Variants in PEPD observed in about 807,000 individuals in gnomAD.
PEPD encodes xaa-Pro dipeptidase.
PEPD carries 53 observed loss-of-function variants against 60.7 expected under a neutral mutation model. The observed-to-expected ratio is 0.87, with a 90% CI of 0.70 to 1.10. The LOEUF (loss-of-function observed/expected upper bound fraction) is 1.10, where lower values mean the gene tolerates loss of function less well. Ranked by LOEUF, PEPD falls within the 50% of genes least tolerant of loss-of-function variation. The probability of loss-of-function intolerance (pLI) is 0.00; values close to 1 mark genes in which losing one functional copy is unlikely to be tolerated. For missense variants in PEPD, 711 were observed against 711.9 expected (o/e 1.00, Z 0.01); for synonymous variants, 267 against 284.1 (o/e 0.94, Z 0.60).
intron 6 of PEPD, among the ~76,000 whole-genome samples, chr19:33,484,246 T>C (rs1485838699): frequency 2.0e-5 from 3 of 152,246 alleles, no homozygotes; most frequent in Admixed American, 2.0e-4. Context: ...AAATCAAAAC[T>C]ACAAAATAGA....
At chr19:33,440,187 C>T (rs1969456554) in intron 9 of PEPD, among the ~76,000 whole-genome samples, 1 of 152,122 alleles carries the variant, frequency 6.6e-6, no homozygotes, top group Non-Finnish European at 1.5e-5. Context: ...CTTCCCCAGG[C>T]ACAAGGGGTC....
rs564268179 is a variant in PEPD, at chr19:33,394,083, G to A, written c.968-2604C>T. Among the ~76,000 whole-genome samples the A allele has an allele frequency of 3.3e-5, 5 of 152,348 alleles. No homozygotes were observed. The South Asian group carries it at 1.0e-3, about 32-fold the overall frequency. Reference sequence around the variant, plus strand: ...CACTCCGAGGGTGGGGGTCTCCCGAGGGCACCGCTGGGCCTGGCATAAAGT... The same window carrying A: ...CACTCCGAGGGTGGGGGTCTCCCGAAGGCACCGCTGGGCCTGGCATAAAGT... On this transcript the variant is annotated intron_variant, in intron 12 of 14. Coordinates refer to ENST00000244137, the MANE Select transcript of PEPD (RefSeq NM_000285.4).
rs145325751 is a variant in PEPD, at chr19:33,507,890, C to T, written c.329+3138G>A. 1.4e-4 allele frequency among the ~76,000 whole-genome samples: 21 copies of T among 152,188 alleles called. No individual in the cohort carries two copies. In the East Asian group the frequency reaches 3.3e-3, roughly 24 times the overall value. On this transcript the variant is annotated intron_variant, in intron 3 of 14. Coordinates refer to ENST00000244137, the MANE Select transcript of PEPD (RefSeq NM_000285.4). ...GGACAGTGGAACGGAGAGGCCTGCT[C>T]GGGGTGGCTGTGGTAGGGAGCCAGG...
chr19:33,496,673 C>CCT (rs548839364), intron 4 of PEPD, among the ~76,000 whole-genome samples: 80 of 150,158 alleles, frequency 5.3e-4, no homozygotes, highest in African/African-American at 1.9e-3. Context: ...CCACTGGGGA[C>CCT]CTCTCACACC....
intron 11 of PEPD, among the ~76,000 whole-genome samples, chr19:33,403,544 T>G (rs1201068268): frequency 6.6e-6 from 1 of 152,174 alleles, no homozygotes; most frequent in East Asian, 1.9e-4. Flanking sequence ...AGAAGCTGCC[T>G]GTGCGCCTGC....
intron 12 of PEPD, among the ~76,000 whole-genome samples, chr19:33,394,929 G>A (rs961657778): frequency 6.6e-6 from 1 of 151,976 alleles, no homozygotes; most frequent in African/African-American, 2.4e-5. Context: ...TCCCTCCTCC[G>A]CTGCACACCC....
intron 1 of PEPD, among the ~76,000 whole-genome samples, chr19:33,518,776 G>A (rs1413955202): frequency 6.6e-6 from 1 of 152,188 alleles, no homozygotes; most frequent in African/African-American, 2.4e-5. Context: ...GATGCTAGGA[G>A]AGGCATGAAG....
chr19:33,520,167 C>G (rs1971104883), intron 1 of PEPD, among the ~76,000 whole-genome samples: 1 of 152,148 alleles, frequency 6.6e-6, no homozygotes, highest in South Asian at 2.1e-4. Flanking sequence ...TTCAGGAGAG[C>G]AGCAGGTCTC....
chr19:33,398,486 C>A (rs1455961020), intron 12 of PEPD, among the ~76,000 whole-genome samples: 7 of 152,184 alleles, frequency 4.6e-5, no homozygotes, highest in Non-Finnish European at 1.5e-5. Context: ...AGACTCTGGC[C>A]CACCTGAGAG....
chr19:33,521,719 A>C (rs752777721), intron 1 of PEPD, 25 bp downstream of exon 1: 1 of 1,578,642 alleles, frequency 6.3e-7, no homozygotes, highest in Non-Finnish European at 8.6e-7. Flanking sequence ...CCAGCGGGAA[A>C]GAGCGAGGGA....
chr19:33,464,444 C>T (rs1466046158), intron 7 of PEPD, among the ~76,000 whole-genome samples: 1 of 152,248 alleles, frequency 6.6e-6, no homozygotes, highest in African/African-American at 2.4e-5. Flanking sequence ...GCTACTGGGC[C>T]ATAATCCTAA....
chr19:33,433,848 G>T lies in PEPD; in HGVS notation c.672-20205C>A, dbSNP rs567526483. 3.9e-5 allele frequency among the ~76,000 whole-genome samples: 6 copies of T among 152,350 alleles called. No individual in the cohort carries two copies. The East Asian group carries it at 1.2e-3, about 29-fold the overall frequency. ...CCACTCAGGTCAAGAGATGCACAGC[G>T]TTTCTGCCCGGAGTCTGGCCGCAGG... On this transcript the variant is annotated intron_variant, in intron 9 of 14. Transcript: ENST00000244137.
chr19:33,417,731 T>C (rs948848880), intron 9 of PEPD, among the ~76,000 whole-genome samples: 3 of 152,088 alleles, frequency 2.0e-5, no homozygotes, highest in African/African-American at 7.2e-5. Context: ...AGAATGGGGA[T>C]CCCTCCTCAG....
chr19:33,422,823 T>TATCTATCTATCTATCTATCTA (rs991819486), intron 9 of PEPD, among the ~76,000 whole-genome samples: 1 of 83,370 alleles, frequency 1.2e-5, no homozygotes, highest in African/African-American at 3.9e-5. Flanking sequence ...CTTCTATATC[T>TATCTATCTATCTATCTATCTA]ATCTATCTAT....
intron 6 of PEPD, among the ~76,000 whole-genome samples, chr19:33,478,859 T>C (rs1346653624): frequency 6.6e-6 from 1 of 152,066 alleles, no homozygotes; most frequent in African/African-American, 2.4e-5. Context: ...TACTGCAGAG[T>C]AACCTGAATC....
rs185286900 is a variant in PEPD, at chr19:33,418,138, G to C, written c.672-4495C>G. ...AGAGGGAGAGAGCCACAGAGAGTGA[G>C]AAGTACCTCATGATGTTTGGGGCCA... On this transcript the variant is annotated intron_variant, in intron 9 of 14. Coordinates refer to ENST00000244137, the MANE Select transcript of PEPD (RefSeq NM_000285.4). Among the ~76,000 whole-genome samples the C allele has an allele frequency of 1.7e-3, 259 of 152,354 alleles. 1 individual carries two copies. The highest frequency in any genetic ancestry group is 6.1e-3 in the African/African-American group (253 of 41,588).
intron 1 of PEPD, 105 bp from the exon 2 acceptor site, chr19:33,512,881 C>A: frequency 1.6e-6 from 2 of 1,271,080 alleles, no homozygotes; most frequent in South Asian, 1.2e-5. Context: ...TGCCGTGGGA[C>A]CCCCATCAGC....
chr19:33,391,603 G>A, intron 12 of PEPD, 124 bp from the exon 13 acceptor site: 1 of 897,182 alleles, frequency 1.1e-6, no homozygotes, highest in East Asian at 2.6e-5. Flanking sequence ...GGGGGGTGAG[G>A]GGGCAAGGGT....
intron 12 of PEPD, among the ~76,000 whole-genome samples, chr19:33,394,224 T>C (rs1409217846): frequency 1.3e-5 from 2 of 152,298 alleles, no homozygotes; most frequent in Admixed American, 1.3e-4. Flanking sequence ...GACGCGCCCT[T>C]CTCTGGTCAC....
Sources: gnomAD v4.1 joint callset for allele counts (sites outside exome capture counted in the v4.1 genomes callset) on GRCh38, gnomAD v4.1.1 for gene constraint, MANE v1.5 for transcripts, NCBI Gene and HGNC (gene_info 2026-07-23, HGNC 2026-07-21) for gene names.